The following FYCO1 variants were observed in gnomAD, a reference collection of about 807,000 sequenced individuals.
FYCO1 encodes FYVE and coiled-coil domain autophagy adaptor 1.
Under a neutral mutation model 165.1 loss-of-function variants are expected in FYCO1, and 122 were observed. The ratio of observed to expected loss-of-function variants is 0.74; its 90% CI spans 0.64 to 0.86. The LOEUF (loss-of-function observed/expected upper bound fraction) is 0.86, where lower values mean the gene tolerates loss of function less well. FYCO1 is among the 40% of genes least tolerant of loss of function. The pLI is 0.00. For synonymous variants in FYCO1, 648 were observed against 742.5 expected, an observed-to-expected ratio of 0.87 and a Z score of 2.07; for missense variants, 1,702 against 1,810.3, an observed-to-expected ratio of 0.94 and a Z score of 1.09.
At chr3:45,989,335 C>T (rs1707461388) in intron 1 of FYCO1, among the ~76,000 whole-genome samples, 1 of 152,208 alleles carries the variant, frequency 6.6e-6, no homozygotes, top group African/African-American at 2.4e-5. Flanking sequence ...GCACACCCAA[C>T]GGCAACTATC....
At chr3:45,990,010 G>A (rs1252912672) in intron 1 of FYCO1, among the ~76,000 whole-genome samples, 6 of 152,124 alleles carry the variant, frequency 3.9e-5, no homozygotes, top group Admixed American at 6.5e-5. Context: ...GAACTCAACT[G>A]GTGCATCTAC....
intron 14 of FYCO1, chr3:45,945,507 G>A (rs6766548): frequency 0.029 from 4,469 of 152,312 alleles, 138 homozygotes; most frequent in African/African-American, 0.076. Flanking sequence ...TTGAAGGGCT[G>A]GTGCCCTGGG....
intron 1 of FYCO1, among the ~76,000 whole-genome samples, chr3:45,985,864 T>A (rs1707290415): frequency 6.6e-6 from 1 of 152,228 alleles, no homozygotes; most frequent in Non-Finnish European, 1.5e-5. Flanking sequence ...CATCTGGAGA[T>A]CCTACGTCCT....
In FYCO1 at chr3:45,967,093, G is replaced by T; in HGVS notation, c.2241C>A (p.Leu747=). 1.2e-6 allele frequency: 2 copies of T among 1,613,966 alleles called. No homozygotes were observed. Among genetic ancestry groups the T allele is most frequent in the African/African-American group, 2.7e-5 (2 of 75,042 alleles). ...CQQQTQLIEV[L]TAEKGQQGVG... ...CTCCCTGTTGGCCTTTCTCTGCTGT[G>T]AGGACCTCAATCAGCTGGGTCTGCT... Residue 747 remains leucine (L), a synonymous_variant, in exon 8 of 18, where the codon CTC becomes CTA. Coordinates refer to ENST00000296137, the MANE Select transcript of FYCO1 (RefSeq NM_024513.4).
intron 14 of FYCO1, among the ~76,000 whole-genome samples, chr3:45,942,395 C>T (rs3774638): frequency 0.19 from 29,019 of 152,174 alleles, 2,887 homozygotes; most frequent in East Asian, 0.29. Flanking sequence ...TGAGGCTGCT[C>T]CTGGTCCCTG....
At chr3:45,923,862 T>C (rs1703202455) in intron 16 of FYCO1, 97 bp from the exon 17 acceptor site, 1 of 827,154 alleles carries the variant, frequency 1.2e-6, no homozygotes. Context: ...GGAGGCTGAG[T>C]GTGTTGCCTG....
intron 17 of FYCO1, 71 bp from the exon 18 acceptor site, chr3:45,921,911 T>C: frequency 1.0e-6 from 1 of 953,366 alleles, no homozygotes; most frequent in Non-Finnish European, 1.7e-6. Flanking sequence ...CAGCTGCTGC[T>C]GAGGCCTCTG....
intron 3 of FYCO1, among the ~76,000 whole-genome samples, chr3:45,980,666 C>T (rs910220300): frequency 2.0e-5 from 3 of 152,124 alleles, no homozygotes; most frequent in Non-Finnish European, 2.9e-5. Flanking sequence ...CTAGTGGGCC[C>T]GCATACTACG....
At chr3:45,956,945 T>C (rs1705365476) in intron 13 of FYCO1, among the ~76,000 whole-genome samples, 1 of 152,202 alleles carries the variant, frequency 6.6e-6, no homozygotes, top group South Asian at 2.1e-4. Flanking sequence ...AATACTTTGA[T>C]AAAGAACAAA....
At chr3:45,968,986 T>A (rs572557001) in intron 7 of FYCO1, among the ~76,000 whole-genome samples, 2 of 152,334 alleles carry the variant, frequency 1.3e-5, no homozygotes, top group East Asian at 3.9e-4. Flanking sequence ...TTAATGGACG[T>A]TGTCTCTGAG....
Position 45,965,071 on chromosome 3 carries a change from G to C in FYCO1, c.3112C>G (p.Gln1038Glu). The change falls in exon 9 of 18, where the codon CAG becomes GAG. Residue 1038 changes from glutamine (Q) to glutamate (E), a missense_variant. By Grantham distance (29) the Gln-to-Glu change is conservative (BLOSUM62 2). Transcript: ENST00000296137. ...ACAGCTTCCTCAGCAGCCTGCAGCT[G>C]CCGGCCTTGCTCCTCAAGCTGGCCC... Reference protein sequence around the residue: ...LRGQLEEQGRQLQAAEEAVEK... With the variant: ...LRGQLEEQGRELQAAEEAVEK... 1 of 1,614,150 alleles carries C rather than the reference G, an allele frequency of 6.2e-7. No individual in the cohort carries two copies. The highest frequency in any genetic ancestry group is 8.5e-7 in the Non-Finnish European group (1 of 1,180,008).
Position 45,921,834 on chromosome 3 carries a change from G to A in FYCO1, c.4368C>T (p.Val1456=). ...TCAAGTGATAAAATACCTTTTTAGAGACAAACCTGAGGAAACAGAAATGGA... is the reference window on the plus strand; with the variant it reads ...TCAAGTGATAAAATACCTTTTTAGAAACAAACCTGAGGAAACAGAAATGGA... ...LIFDNTFSRF[V]SKKVFYHLTV... Residue 1456 remains valine (V), a synonymous_variant, in exon 18 of 18, where the codon GTC becomes GTT. Coordinates refer to ENST00000296137, the MANE Select transcript of FYCO1 (RefSeq NM_024513.4). 6.2e-7 allele frequency: 1 copy of A among 1,608,296 alleles called. No homozygotes were observed. Among genetic ancestry groups the A allele is most frequent in the Non-Finnish European group, 8.5e-7 (1 of 1,174,734 alleles).
intron 4 of FYCO1, among the ~76,000 whole-genome samples, chr3:45,977,098 C>T (rs1706798055): frequency 6.6e-6 from 1 of 151,914 alleles, no homozygotes; most frequent in South Asian, 2.1e-4. Context: ...GTGGTGATAA[C>T]CAGGAAATTC....
intron 3 of FYCO1, among the ~76,000 whole-genome samples, chr3:45,981,265 T>C (rs752462488): frequency 2.6e-5 from 4 of 152,258 alleles, no homozygotes; most frequent in Non-Finnish European, 4.4e-5. Flanking sequence ...CAAAGGGGTA[T>C]GTAACTGTCC....
chr3:45,951,846 C>A (rs1559452153), intron 14 of FYCO1, among the ~76,000 whole-genome samples: 2 of 152,188 alleles, frequency 1.3e-5, no homozygotes, highest in Non-Finnish European at 2.9e-5. Context: ...GACTTTGGGA[C>A]CCCTTCCTGA....
chr3:45,984,764 A>G (rs1263715706), intron 2 of FYCO1, 92 bp downstream of exon 2: 2 of 1,350,916 alleles, frequency 1.5e-6, no homozygotes, highest in Non-Finnish European at 2.1e-6. Context: ...TGTGAACAAA[A>G]ATGAAAGGGT....
At chr3:45,928,736 G>A (rs1157543060) in intron 16 of FYCO1, among the ~76,000 whole-genome samples, 2 of 152,144 alleles carry the variant, frequency 1.3e-5, no homozygotes, top group Non-Finnish European at 2.9e-5. Flanking sequence ...CTGTTCCCCA[G>A]GCTGGGCTAG....
In FYCO1 at chr3:45,984,603, T is replaced by G. The variant is rs995244421; in HGVS notation, c.55+253A>C. On this transcript the variant is annotated intron_variant, in intron 2 of 17. Coordinates refer to ENST00000296137, the MANE Select transcript of FYCO1 (RefSeq NM_024513.4). ...GTGCACTAATGGAAATCAGACCCAG[T>G]CCTGGAGCCGGGTGTATGATTTTGT... 4.9e-6 allele frequency: 3 copies of G among 606,816 alleles called. No individual in the cohort carries two copies. In the African/African-American group the frequency reaches 5.5e-5, roughly 11 times the overall value. 37.6% of individuals were successfully genotyped at this position (606,816 alleles called of 1,614,324 possible). A position where few individuals can be genotyped will look rare whatever the true frequency, so the allele number is the denominator to read the frequency against.
intron 1 of FYCO1, among the ~76,000 whole-genome samples, chr3:45,986,706 G>A (rs1001201890): frequency 6.6e-6 from 1 of 152,072 alleles, no homozygotes; most frequent in Non-Finnish European, 1.5e-5. Flanking sequence ...CCATCCATCA[G>A]GGACACCAAA....
Sources: gnomAD v4.1 joint callset for allele counts (sites outside exome capture counted in the v4.1 genomes callset) on GRCh38, gnomAD v4.1.1 for gene constraint, MANE v1.5 for transcripts, NCBI Gene and HGNC (gene_info 2026-07-23, HGNC 2026-07-21) for gene names.